Variants in TECTA observed in about 807,000 individuals in gnomAD.
The protein encoded by TECTA is tectorin alpha, also known as alpha-tectorin.
In TECTA, 128 loss-of-function variants were observed where a neutral mutation model predicts 216.8. The ratio of observed to expected loss-of-function variants is 0.59; its 90% CI spans 0.51 to 0.68. The LOEUF (loss-of-function observed/expected upper bound fraction) is 0.68, where lower values mean the gene tolerates loss of function less well. Ranked by LOEUF, TECTA falls within the 30% of genes least tolerant of loss-of-function variation. The probability of loss-of-function intolerance (pLI) is 0.00; values close to 1 mark genes in which losing one functional copy is unlikely to be tolerated. For synonymous variants in TECTA, 1,089 were observed against 1,117.1 expected (o/e 0.97, Z 0.50); for missense variants, 2,551 against 2,786.2 (o/e 0.92, Z 1.90).
intron 8 of TECTA, among the ~76,000 whole-genome samples, chr11:121,126,448 T>G (rs998259537): frequency 4.6e-5 from 7 of 152,228 alleles, no homozygotes; most frequent in African/African-American, 1.4e-4. Context: ...CTGGCTCTTT[T>G]GAATTACACT....
intron 20 of TECTA, among the ~76,000 whole-genome samples, chr11:121,182,970 G>T (rs1947245485): frequency 6.6e-6 from 1 of 152,192 alleles, no homozygotes; most frequent in African/African-American, 2.4e-5. Flanking sequence ...CTGGGGAAGT[G>T]GCAGAGTTGC....
At chr11:121,169,936 G>T (rs1428001356) in intron 20 of TECTA, among the ~76,000 whole-genome samples, 1 of 152,132 alleles carries the variant, frequency 6.6e-6, no homozygotes. Context: ...ACCCTACTGT[G>T]CTATTGAACA....
chr11:121,180,193 C>T (rs1053273716), intron 20 of TECTA, among the ~76,000 whole-genome samples: 6 of 151,908 alleles, frequency 3.9e-5, no homozygotes, highest in South Asian at 4.2e-4. Context: ...CCTTCTCTTT[C>T]GGTTTTGTGT....
At position 121,187,920 on chromosome 11, in the gene TECTA, A is replaced by T. The variant is rs764470788; in HGVS notation, c.6088A>T (p.Ile2030Leu). ...CTTTCACGTCACCGTCTTTAAATTCATAGGGGATTACGACGAAGTTCACCT... is the reference window on the plus strand; with the variant it reads ...CTTTCACGTCACCGTCTTTAAATTCTTAGGGGATTACGACGAAGTTCACCT... The part of the protein sequence containing the change: ...CRFHVTVFKF[I>L]GDYDEVHLHC... Residue 2030 changes from isoleucine to leucine, a missense_variant, in exon 21 of 24, where the codon ATA (isoleucine) becomes TTA (leucine). Physicochemically the swap from Ile to Leu is conservative, Grantham distance 5. This residue lies in a region of TECTA where 58 missense variants were observed against 105.9 expected (regional missense o/e 0.55). Coordinates refer to ENST00000392793, the MANE Select transcript of TECTA (RefSeq NM_005422.4). 1.9e-6 allele frequency: 3 copies of T among 1,614,122 alleles called. No individual in the cohort carries two copies. In the African/African-American group the frequency reaches 4.0e-5, roughly 22 times the overall value.
In TECTA at chr11:121,128,251, G is replaced by T; in HGVS notation, c.2274G>T (p.Lys758Asn). ...EYLEIDINKK[K>N]PDAGPAWLRG... is the part of the protein sequence containing the mutation. ...TGGAAATCGACATCAACAAGAAGAAGCCCGATGCAGGACCTGCTTGGCTGC... is the reference window on the plus strand; with the variant it reads ...TGGAAATCGACATCAACAAGAAGAATCCCGATGCAGGACCTGCTTGGCTGC... Residue 758 changes from lysine (K) to asparagine (N), a missense_variant, in exon 9 of 24, where the codon AAG (lysine) becomes AAT (asparagine). By Grantham distance (94) the Lys-to-Asn change is moderately conservative. Coordinates refer to ENST00000392793, the MANE Select transcript of TECTA (RefSeq NM_005422.4). The T allele has an allele frequency of 6.2e-7, 1 of 1,600,338 alleles. No individual in the cohort carries two copies.
intron 7 of TECTA, among the ~76,000 whole-genome samples, chr11:121,121,636 T>C (rs528225086): frequency 3.3e-5 from 5 of 152,066 alleles, no homozygotes; most frequent in Non-Finnish European, 7.4e-5. Context: ...GTCACCCAGG[T>C]GTCAGGTCAG....
At chr11:121,152,260 C>T (rs972830245) in intron 12 of TECTA, among the ~76,000 whole-genome samples, 3 of 152,256 alleles carry the variant, frequency 2.0e-5, no homozygotes, top group African/African-American at 7.2e-5. Flanking sequence ...TGTACTCATG[C>T]ACACAAACAC....
chr11:121,188,036 C>G, intron 21 of TECTA, 42 bp downstream of exon 21: 1 of 1,610,846 alleles, frequency 6.2e-7, no homozygotes, highest in Non-Finnish European at 8.5e-7. Context: ...CCTTATTTCT[C>G]ACTGTCTTGG....
chr11:121,137,743 C>T lies in TECTA; in HGVS notation c.3264C>T (p.Gly1088=). 3 of 1,614,130 alleles carry T rather than the reference C, an allele frequency of 1.9e-6. No homozygotes were observed. Among genetic ancestry groups the T allele is most frequent in the Non-Finnish European group, 2.5e-6 (3 of 1,180,030 alleles). The stretch of plus-strand genomic sequence containing the variant: ...ATGAGTACTGCATGGAGGAAGGTGG[C>T]CTGTACTACTGCCAAGCCCGCACCG... ...KDDEYCMEEG[G]LYYCQARTDA... Residue 1088 remains glycine, a synonymous_variant, in exon 11 of 24, where the codon GGC becomes GGT. Coordinates refer to ENST00000392793, the MANE Select transcript of TECTA (RefSeq NM_005422.4).
At position 121,145,909 on chromosome 11, in the gene TECTA, C is replaced by T. The variant is rs527881617; in HGVS notation, c.3898C>T (p.Leu1300=). The part of the protein sequence containing the change: ...KVEGFSKVQQ[L]CSLIPNQNAA... ...GGAAGGTTTCTCCAAAGTGCAGCAG[C>T]TGTGCAGCCTGATCCCCAACCAGAA... Residue 1300 remains leucine (L), a synonymous_variant, in exon 12 of 24, where the codon CTG becomes TTG. Coordinates refer to ENST00000392793, the MANE Select transcript of TECTA (RefSeq NM_005422.4). 1.2e-6 allele frequency: 2 copies of T among 1,614,256 alleles called. No homozygotes were observed. The highest frequency in any genetic ancestry group is 1.7e-6 in the Non-Finnish European group (2 of 1,180,042).
rs375736414 is a variant in TECTA, at chr11:121,118,684, T to A, written c.1169T>A (p.Ile390Asn). ...TCAGTGGAGGTGAATGGCTACAAGA[T>A]TCTCATCCCCAAAGGAAGCTATGGA... ...ELSVEVNGYK[I>N]LIPKGSYGRV... The change falls in exon 7 of 24, where the codon ATT becomes AAT. Residue 390 changes from isoleucine to asparagine, a missense_variant. Ile to Asn is a moderately radical substitution (Grantham distance 149). Coordinates refer to ENST00000392793, the MANE Select transcript of TECTA (RefSeq NM_005422.4). The A allele has an allele frequency of 6.2e-6, 10 of 1,613,940 alleles. No individual in the cohort carries two copies. The highest frequency in any genetic ancestry group is 8.5e-6 in the Non-Finnish European group (10 of 1,180,024).
Position 121,129,993 on chromosome 11 carries a change from G to A in TECTA, c.2723G>A (p.Ser908Asn), listed in dbSNP as rs551061901. ...TCGGAGCTGCTCAAGTTTTATCGAA[G>A]CCGCTCCAGGTGCGGCATCATCAAC... ...NDSELLKFYR[S>N]RSRCGIINDP... Residue 908 changes from serine to asparagine, a missense_variant, in exon 10 of 24, where the codon AGC (serine) becomes AAC (asparagine). Coordinates refer to ENST00000392793, the MANE Select transcript of TECTA (RefSeq NM_005422.4). 1 of 1,606,090 alleles carries A rather than the reference G, an allele frequency of 6.2e-7. No homozygotes were observed. The highest frequency in any genetic ancestry group is 1.3e-5 in the African/African-American group (1 of 74,788).
Position 121,127,111 on chromosome 11 carries a change from C to G in TECTA, c.1775-641C>G, listed in dbSNP as rs1946620408. 6.6e-6 allele frequency among the ~76,000 whole-genome samples: 1 copy of G among 152,212 alleles called. No individual in the cohort carries two copies. The highest frequency in any genetic ancestry group is 1.5e-5 in the Non-Finnish European group (1 of 68,040). ...TTATTAAAGCAAGAACCGAAGATTT[C>G]TAAGGCAAGAAGGGCCTTTAGAAGA... On this transcript the variant is annotated intron_variant, in intron 8 of 23. Transcript: ENST00000392793. This position sits in a 1 kb window ranked among gnomAD's most constrained non-coding sequence, Gnocchi z 5.0.
chr11:121,123,861 C>T (rs1408719281), intron 7 of TECTA, among the ~76,000 whole-genome samples: 1 of 152,100 alleles, frequency 6.6e-6, no homozygotes, highest in Non-Finnish European at 1.5e-5. Context: ...CTATTGCTGC[C>T]CTCTCCTGCT....
chr11:121,112,456 A>G (rs1001171365), intron 4 of TECTA, among the ~76,000 whole-genome samples: 1 of 152,244 alleles, frequency 6.6e-6, no homozygotes, highest in East Asian at 1.9e-4. Context: ...GTACAGATGA[A>G]TGTTAACGAT....
intron 1 of TECTA, among the ~76,000 whole-genome samples, chr11:121,101,837 T>C (rs974847477): frequency 2.6e-5 from 4 of 152,252 alleles, no homozygotes; most frequent in African/African-American, 7.2e-5. Flanking sequence ...TGCGTCCGTG[T>C]TCTCATCGCA....
chr11:121,134,348 C>CACACACACACACACACACAT (rs397808440), intron 10 of TECTA, among the ~76,000 whole-genome samples: 2 of 151,624 alleles, frequency 1.3e-5, no homozygotes, highest in African/African-American at 2.4e-5. Context: ...CACACACACA[C>CACACACACACACACACACAT]GCACACACTT....
chr11:121,168,446 T>G, intron 19 of TECTA: 1 of 835,418 alleles, frequency 1.2e-6, no homozygotes, highest in Admixed American at 2.5e-5. Flanking sequence ...GCTCAGCACT[T>G]GAAATGTGGC....
At chr11:121,149,825 A>C (rs1946872745) in intron 12 of TECTA, among the ~76,000 whole-genome samples, 1 of 152,224 alleles carries the variant, frequency 6.6e-6, no homozygotes, top group Non-Finnish European at 1.5e-5. Flanking sequence ...CTCTCAGTAC[A>C]TCATTTGGTG....
Sources: allele counts gnomAD v4.1 joint callset (sites outside exome capture counted in the v4.1 genomes callset), GRCh38; gene constraint gnomAD v4.1.1; regional missense constraint gnomAD v4.1.1; non-coding constraint Gnocchi (gnomAD v3.1); transcripts MANE v1.5; gene names NCBI Gene and HGNC (gene_info 2026-07-23, HGNC 2026-07-21).